Variants in SYT1 observed in about 807,000 individuals in gnomAD.
SYT1 encodes synaptotagmin 1.
A neutral mutation model predicts 44.8 loss-of-function variants in SYT1; 8 were observed. The ratio of observed to expected loss-of-function variants is 0.18; its 90% confidence interval spans 0.10 to 0.32. The LOEUF (loss-of-function observed/expected upper bound fraction) is 0.32. Among genes scored for constraint, SYT1 ranks in the 10% least tolerant of loss-of-function variants. The pLI is 1.00. For missense variants in SYT1, 286 were observed against 509.3 expected (o/e 0.56, Z 4.22); for synonymous variants, 154 against 188.8 (o/e 0.82, Z 1.51).
intron 3 of SYT1, among the ~76,000 whole-genome samples, chr12:79,130,350 ACCT>A (rs1868729844): frequency 2.0e-5 from 3 of 152,172 alleles, no homozygotes; most frequent in Admixed American, 6.5e-5. Context: ...AATAATAACT[ACCT>A]TCTTAATATC....
intron 3 of SYT1, among the ~76,000 whole-genome samples, chr12:79,075,278 C>T (rs527933607): frequency 6.6e-6 from 1 of 152,248 alleles, no homozygotes; most frequent in East Asian, 1.9e-4. Context: ...GCCTACTCTC[C>T]ATCTTTGTTA....
intron 9 of SYT1, among the ~76,000 whole-genome samples, chr12:79,365,616 A>G (rs948561610): frequency 5.1e-4 from 78 of 152,140 alleles, no homozygotes; most frequent in Admixed American, 5.0e-3. Context: ...AAGAAAAGCA[A>G]TAGGAGAAAG....
At chr12:79,057,757 T>C (rs1875073059) in intron 3 of SYT1, among the ~76,000 whole-genome samples, 2 of 152,006 alleles carry the variant, frequency 1.3e-5, no homozygotes, top group Admixed American at 1.3e-4. Context: ...TTTCTGTTTC[T>C]GGTTGGGCCA....
At chr12:79,000,992 G>T (rs1382016325) in intron 2 of SYT1, among the ~76,000 whole-genome samples, 2 of 152,092 alleles carry the variant, frequency 1.3e-5, no homozygotes, top group African/African-American at 4.8e-5. Context: ...TTGGATAATT[G>T]AACAGTGCCT....
At chr12:79,160,637 G>T (rs1870891203) in intron 3 of SYT1, among the ~76,000 whole-genome samples, 1 of 152,038 alleles carries the variant, frequency 6.6e-6, no homozygotes, top group Admixed American at 6.6e-5. Flanking sequence ...AAAAATTTCA[G>T]TTCTAGATAT....
chr12:79,182,062 A>T lies in SYT1; in HGVS notation c.-17-35441A>T, dbSNP rs370108738. On this transcript the variant is annotated intron_variant, in intron 3 of 10. Coordinates refer to ENST00000261205, the MANE Select transcript of SYT1 (RefSeq NM_005639.3). ...AACATTCTAAAGACAGCTTTTCACC[A>T]TGTTACCCTGAGTTATTACTTTGTC... is the stretch of plus-strand genomic sequence containing the variant. Among the ~76,000 whole-genome samples the T allele has an allele frequency of 5.9e-5, 9 of 152,148 alleles. 1 individual carries two copies. Among genetic ancestry groups the T allele is most frequent in the East Asian group, 3.9e-4 (2 of 5,160 alleles).
chr12:79,171,773 G>A lies in SYT1; in HGVS notation c.-17-45730G>A, dbSNP rs113407436. On this transcript the variant is annotated intron_variant, in intron 3 of 10. Transcript: ENST00000261205. The stretch of plus-strand genomic sequence containing the variant: ...TCCTTGCTAGCTGTGTAACATGGAT[G>A]AACTAGTTAATCTCTCCAAACCTCA... Among the ~76,000 whole-genome samples, 524 of 152,038 alleles carry A rather than the reference G, an allele frequency of 3.4e-3. 3 individuals carry two copies. The highest frequency in any genetic ancestry group is 0.012 in the African/African-American group (508 of 41,532).
intron 1 of SYT1, among the ~76,000 whole-genome samples, chr12:78,962,998 C>CT (rs2137349417): frequency 6.6e-6 from 1 of 152,168 alleles, no homozygotes; most frequent in African/African-American, 2.4e-5. Context: ...ACCACCATTC[C>CT]ATTTTTTGAT....
chr12:78,914,501 C>T (rs1487643572), intron 1 of SYT1, among the ~76,000 whole-genome samples: 1 of 63,384 alleles, frequency 1.6e-5, no homozygotes, highest in African/African-American at 1.1e-4. Context: ...TATTGATGCA[C>T]ATGTTAGATA....
Position 79,052,485 on chromosome 12 carries a change from CA to C in SYT1, c.-18+5127del, listed in dbSNP as rs576371066. 2.2e-3 allele frequency among the ~76,000 whole-genome samples: 330 copies of C among 152,240 alleles called. 1 individual carries two copies. The highest frequency in any genetic ancestry group is 0.01 in the Middle Eastern group (3 of 294). ...TCTAAAACACCAAAAGCAATGGCAA[CA>C]AAAGCCAAAATTGATAAATGGGATC... On this transcript the variant is annotated intron_variant, in intron 3 of 10. Transcript: ENST00000261205.
At chr12:78,958,567 C>T (rs1347822309) in intron 1 of SYT1, among the ~76,000 whole-genome samples, 2 of 151,988 alleles carry the variant, frequency 1.3e-5, no homozygotes, top group Non-Finnish European at 2.9e-5. Context: ...TGGTGGCACA[C>T]ACCTGAAATC....
intron 3 of SYT1, among the ~76,000 whole-genome samples, chr12:79,194,523 G>A (rs1476480155): frequency 6.6e-6 from 1 of 151,816 alleles, no homozygotes; most frequent in Non-Finnish European, 1.5e-5. Context: ...TTGAACTCCT[G>A]TCCTCAAGCA....
intron 8 of SYT1, among the ~76,000 whole-genome samples, chr12:79,316,914 G>A (rs541801515): frequency 8.5e-5 from 13 of 152,192 alleles, no homozygotes; most frequent in African/African-American, 2.9e-4. Flanking sequence ...CATAGAACTC[G>A]GAGTCCAAGT....
At chr12:79,126,254 G>A (rs1208181159) in intron 3 of SYT1, among the ~76,000 whole-genome samples, 1 of 152,056 alleles carries the variant, frequency 6.6e-6, no homozygotes, top group African/African-American at 2.4e-5. Context: ...GTTTTGTTTT[G>A]TTTTGTTTTG....
intron 9 of SYT1, among the ~76,000 whole-genome samples, chr12:79,437,525 A>G (rs1870159602): frequency 6.6e-6 from 1 of 152,184 alleles, no homozygotes; most frequent in Non-Finnish European, 1.5e-5. Context: ...GAGAAGAGTT[A>G]AGGTGGTCAT....
Position 79,285,814 on chromosome 12 carries a change from C to T in SYT1, c.194C>T (p.Ala65Val). ...CCACCGTGGGCCTTAATTGCAATAGCCATAGTCGCAGTCCTTTTAGTCCTG... is the reference window on the plus strand; with the variant it reads ...CCACCGTGGGCCTTAATTGCAATAGTCATAGTCGCAGTCCTTTTAGTCCTG... ...PLPPWALIAIAIVAVLLVLTC... is the reference protein window; with the variant it reads ...PLPPWALIAIVIVAVLLVLTC... Residue 65 changes from alanine to valine, a missense_variant, in exon 5 of 11, where the codon GCC becomes GTC. Physicochemically the swap from Ala to Val is moderately conservative, Grantham distance 64. This residue lies in a region of SYT1 where 141 missense variants were observed against 165.7 expected (regional missense o/e 0.85). Transcript: ENST00000261205. The T allele has an allele frequency of 6.2e-7, 1 of 1,610,332 alleles. No homozygotes were observed. Among genetic ancestry groups the T allele is most frequent in the Middle Eastern group, 1.7e-4 (1 of 6,044 alleles).
At chr12:78,944,342 A>C (rs1193626359) in intron 1 of SYT1, among the ~76,000 whole-genome samples, 1 of 151,800 alleles carries the variant, frequency 6.6e-6, no homozygotes, top group African/African-American at 2.4e-5. Flanking sequence ...ATAAAGGCTT[A>C]GTAAAAGATG....
intron 1 of SYT1, among the ~76,000 whole-genome samples, chr12:78,920,092 T>A (rs915434403): frequency 2.6e-5 from 4 of 151,954 alleles, no homozygotes; most frequent in Non-Finnish European, 5.9e-5. Context: ...TGAAGCTAAC[T>A]ACCGAAATTT....
chr12:79,240,260 T>A (rs1441597634), intron 4 of SYT1, among the ~76,000 whole-genome samples: 3 of 152,230 alleles, frequency 2.0e-5, no homozygotes, highest in Admixed American at 2.0e-4. Flanking sequence ...TTACCTTTTA[T>A]CTAAATAGTG....
Sources: gnomAD v4.1 joint callset for allele counts (sites outside exome capture counted in the v4.1 genomes callset) on GRCh38, gnomAD v4.1.1 for gene constraint, gnomAD v4.1.1 regional missense constraint, MANE v1.5 for transcripts, NCBI Gene and HGNC (gene_info 2026-07-23, HGNC 2026-07-21) for gene names.